The following UNC5C variants were observed in gnomAD, a reference collection of about 807,000 sequenced individuals.
UNC5C encodes netrin receptor UNC5C.
A neutral mutation model predicts 99.8 loss-of-function variants in UNC5C; 47 were observed. The observed-to-expected ratio is 0.47, with a 90% CI of 0.37 to 0.60. The LOEUF is 0.60. UNC5C is among the 20% of genes least tolerant of loss of function. The pLI, the probability that UNC5C is intolerant of heterozygous loss-of-function variation, is 0.00. For synonymous variants in UNC5C, 487 were observed against 452.2 expected, an observed-to-expected ratio of 1.08 and a Z score of -0.98; for missense variants, 1,062 against 1,165.9, an observed-to-expected ratio of 0.91 and a Z score of 1.30.
chr4:95,238,266 TG>T (rs1473708680), intron 7 of UNC5C, among the ~76,000 whole-genome samples: 3 of 152,188 alleles, frequency 2.0e-5, no homozygotes, highest in Non-Finnish European at 4.4e-5. Context: ...TCTCATTTAT[TG>T]TTTTAATTTA....
Position 95,531,224 on chromosome 4 carries a change from T to C in UNC5C, c.124+17510A>G, listed in dbSNP as rs554453680. On this transcript the variant is annotated intron_variant, in intron 1 of 15. Coordinates refer to ENST00000453304, the MANE Select transcript of UNC5C (RefSeq NM_003728.4). The stretch of plus-strand genomic sequence containing the variant: ...TTCCTTAAATGCTGTTTGGTCTAAA[T>C]TGACAGTCTTGAAGTCTTTCCTAAA... Among the ~76,000 whole-genome samples the C allele has an allele frequency of 4.3e-4, 66 of 152,340 alleles. 1 individual carries two copies. The highest frequency in any genetic ancestry group is 3.4e-3 in the Middle Eastern group (1 of 294).
chr4:95,198,578 A>G (rs1347546026), intron 12 of UNC5C, among the ~76,000 whole-genome samples: 2 of 151,842 alleles, frequency 1.3e-5, no homozygotes, highest in African/African-American at 4.8e-5. Context: ...GACAGACCAC[A>G]AGGCAAGTAC....
At chr4:95,308,569 A>G (rs1443160351) in intron 2 of UNC5C, among the ~76,000 whole-genome samples, 1 of 151,838 alleles carries the variant, frequency 6.6e-6, no homozygotes, top group Admixed American at 6.6e-5. Context: ...CCTGGCCAAG[A>G]TGGTGAAACT....
intron 1 of UNC5C, among the ~76,000 whole-genome samples, chr4:95,365,092 C>T (rs1046267876): frequency 8.6e-5 from 13 of 151,056 alleles, no homozygotes; most frequent in Non-Finnish European, 1.8e-4. Context: ...GTCAAGAGTT[C>T]GAGACTACCC....
intron 1 of UNC5C, among the ~76,000 whole-genome samples, chr4:95,546,544 A>G (rs1723073821): frequency 6.6e-6 from 1 of 152,204 alleles, no homozygotes; most frequent in Admixed American, 6.5e-5. Flanking sequence ...TGAGATTCAA[A>G]CAAAAATTTT....
chr4:95,171,396 C>T (rs1469021684), intron 14 of UNC5C, among the ~76,000 whole-genome samples: 2 of 147,616 alleles, frequency 1.4e-5, no homozygotes, highest in Non-Finnish European at 3.0e-5. Context: ...CCACCTCCCC[C>T]TACCCCACAA....
intron 1 of UNC5C, among the ~76,000 whole-genome samples, chr4:95,368,682 C>G (rs1744653618): frequency 6.6e-6 from 1 of 152,076 alleles, no homozygotes; most frequent in Non-Finnish European, 1.5e-5. Context: ...CCAGCACTGT[C>G]CATTGCAAAT....
intron 2 of UNC5C, among the ~76,000 whole-genome samples, chr4:95,327,126 C>T (rs1055466531): frequency 5.9e-5 from 9 of 152,184 alleles, no homozygotes; most frequent in Non-Finnish European, 4.4e-5. Context: ...AACAATACTA[C>T]AGTCAGACTC....
In UNC5C at chr4:95,165,502, A is replaced by G. The variant is rs1306834639; in HGVS notation, c.*3732T>C. The G allele has an allele frequency of 6.6e-6, 1 of 152,196 alleles. No individual in the cohort carries two copies. Among genetic ancestry groups the G allele is most frequent in the African/African-American group, 2.4e-5 (1 of 41,454 alleles). The allele number at this position is 152,196 out of a possible 1,614,324, so 9.4% of individuals were successfully genotyped here. ...AACCTTGGTGTTACACAGGTTTGTC[A>G]TCACCATGCCAGTTATCAATTCTGA... On this transcript the variant is annotated 3_prime_UTR_variant, in exon 16 of 16. Transcript: ENST00000453304.
intron 2 of UNC5C, among the ~76,000 whole-genome samples, chr4:95,307,664 C>CAAGAA: frequency 6.6e-6 from 1 of 152,212 alleles, no homozygotes; most frequent in Non-Finnish European, 1.5e-5. Context: ...GAGGACACTA[C>CAAGAA]AAGAAAAGAA....
chr4:95,352,555 T>C (rs546874887), intron 1 of UNC5C, among the ~76,000 whole-genome samples: 2 of 152,316 alleles, frequency 1.3e-5, no homozygotes, highest in Admixed American at 6.5e-5. Context: ...CCAAGCTTTA[T>C]GGGATCAGAA....
At chr4:95,317,427 A>G (rs1415406536) in intron 2 of UNC5C, among the ~76,000 whole-genome samples, 5 of 152,078 alleles carry the variant, frequency 3.3e-5, no homozygotes, top group Admixed American at 3.3e-4. Context: ...AGCAAAAATA[A>G]GTGTGTGCGT....
chr4:95,353,645 A>T (rs1744066613), intron 1 of UNC5C, among the ~76,000 whole-genome samples: 1 of 151,948 alleles, frequency 6.6e-6, no homozygotes, highest in Non-Finnish European at 1.5e-5. Flanking sequence ...TAAATTTATA[A>T]TATTGCAAAC....
chr4:95,271,230 T>TTG (rs1416683141), intron 4 of UNC5C, among the ~76,000 whole-genome samples: 2 of 101,568 alleles, frequency 2.0e-5, no homozygotes, highest in African/African-American at 8.8e-5. Flanking sequence ...TATTTTTTAT[T>TTG]TATTTTTTTT....
chr4:95,502,811 A>T (rs1041576160), intron 1 of UNC5C, among the ~76,000 whole-genome samples: 1 of 152,128 alleles, frequency 6.6e-6, no homozygotes, highest in Non-Finnish European at 1.5e-5. Flanking sequence ...AGTTCAGGTT[A>T]TATTGAATAT....
chr4:95,415,796 A>T (rs1746144982), intron 1 of UNC5C, among the ~76,000 whole-genome samples: 1 of 152,134 alleles, frequency 6.6e-6, no homozygotes, highest in Non-Finnish European at 1.5e-5. Flanking sequence ...TTATTGCTTA[A>T]ATTCAGAAAG....
chr4:95,534,108 AG>A (rs1165141634), intron 1 of UNC5C, among the ~76,000 whole-genome samples: 17 of 152,316 alleles, frequency 1.1e-4, no homozygotes, highest in African/African-American at 3.8e-4. Context: ...ACAGCACTTG[AG>A]GAAGTTGGGG....
In UNC5C at chr4:95,170,233, T is replaced by G; in HGVS notation, c.2551A>C (p.Lys851Gln). 6.2e-7 allele frequency: 1 copy of G among 1,614,144 alleles called. No homozygotes were observed. The highest frequency in any genetic ancestry group is 1.1e-5 in the South Asian group (1 of 91,074). Residue 851 changes from lysine to glutamine, a missense_variant, in exon 15 of 16, where the codon AAG becomes CAG. This residue lies in a region of UNC5C where 810 missense variants were observed against 854.5 expected (regional missense o/e 0.95). Coordinates refer to ENST00000453304, the MANE Select transcript of UNC5C (RefSeq NM_003728.4). ...GGGGCATCCAGGCTGCTACAGAGCT[T>G]CTGCCGGATAGGGAGAGGGATGCTG... The part of the protein sequence containing the change: ...AFSIPLPIRQ[K>Q]LCSSLDAPQT...
At chr4:95,424,744 G>T (rs532447028) in intron 1 of UNC5C, among the ~76,000 whole-genome samples, 2 of 151,502 alleles carry the variant, frequency 1.3e-5, no homozygotes, top group Non-Finnish European at 1.5e-5. Context: ...AGGATGGTCT[G>T]GATCTCCTGA....
Sources: gnomAD v4.1 joint callset for allele counts (sites outside exome capture counted in the v4.1 genomes callset) on GRCh38, gnomAD v4.1.1 for gene constraint, gnomAD v4.1.1 regional missense constraint, MANE v1.5 for transcripts, NCBI Gene and HGNC (gene_info 2026-07-23, HGNC 2026-07-21) for gene names.